Variants in C3 observed in about 807,000 individuals in gnomAD.
C3 encodes the protein complement C3, also known as C3 and PZP-like alpha-2-macroglobulin domain-containing protein 1.
A neutral mutation model predicts 207.9 loss-of-function variants in C3; 97 were observed. The ratio of observed to expected loss-of-function variants is 0.47; its 90% CI spans 0.40 to 0.55. The LOEUF is 0.55. C3 is among the 20% of genes least tolerant of loss of function. C3 has a pLI of 0.00. For synonymous variants in C3, 848 were observed against 857.6 expected (o/e 0.99, Z 0.20); for missense variants, 1,684 against 2,171.7 (o/e 0.78, Z 4.46).
In C3 at chr19:6,694,646, G is replaced by C. The variant is rs1171588355; in HGVS notation, c.2951-12C>G. 2 of 1,609,246 alleles carry C rather than the reference G, an allele frequency of 1.2e-6. No homozygotes were observed. The highest frequency in any genetic ancestry group is 1.7e-6 in the Non-Finnish European group (2 of 1,179,168). On this transcript the variant is annotated splice_polypyrimidine_tract_variant and intron_variant, in intron 23 of 40. Transcript: ENST00000245907. ...GGCCACTGGGGTCCCTGCAGCAGGT[G>C]GGAAGAGGACGTTGCTCAAGCCAGG...
rs144432231 is a variant in C3 at position 6,707,902 on chromosome 19, T to A, written c.1873A>T (p.Ile625Phe). 2.5e-4 allele frequency: 408 copies of A among 1,613,874 alleles called. 1 individual carries two copies. The highest frequency in any genetic ancestry group is 1.9e-4 in the Non-Finnish European group (229 of 1,180,010). ...KIWDVVEKAD[I>F]GCTPGSGKDY... ...TTCCCACTGCCCGGGGTGCAGCCGATGTCTGCCTTCTCCACCACGTCCCAG... is the reference window on the plus strand; with the variant it reads ...TTCCCACTGCCCGGGGTGCAGCCGAAGTCTGCCTTCTCCACCACGTCCCAG... The change falls in exon 15 of 41, where the codon ATC (isoleucine) becomes TTC (phenylalanine). Residue 625 changes from isoleucine to phenylalanine, a missense_variant. This residue lies in a region of C3 where 1,280 missense variants were observed against 1,739.1 expected (regional missense o/e 0.74). Coordinates refer to ENST00000245907, the MANE Select transcript of C3 (RefSeq NM_000064.4).
intron 17 of C3, among the ~76,000 whole-genome samples, chr19:6,705,379 G>A (rs1208442712): frequency 7.4e-6 from 1 of 135,062 alleles, no homozygotes; most frequent in African/African-American, 2.8e-5. Context: ...GTCTTGCTCT[G>A]TTGCCCAGGC....
chr19:6,713,302 G>A lies in C3; in HGVS notation c.890C>T (p.Ser297Leu), dbSNP rs753979097. ...CTTCCGGCTCAGCACAACCTCCCCC[G>A]AGCCATCCTCAATCTGAGAAGGGAG... is the stretch of plus-strand genomic sequence containing the variant. ...SLKRIPIEDG[S>L]GEVVLSRKVL... is the part of the protein sequence containing the mutation. The change falls in exon 9 of 41, where the codon TCG becomes TTG. Residue 297 changes from serine to leucine, a missense_variant. Ser to Leu is a moderately radical substitution (Grantham distance 145). Around this residue, in one of 3 missense-constraint regions of C3, gnomAD observed 1,280 missense variants for 1,739.1 expected, o/e 0.74. Coordinates refer to ENST00000245907, the MANE Select transcript of C3 (RefSeq NM_000064.4). The A allele has an allele frequency of 9.3e-6, 15 of 1,613,612 alleles. No individual in the cohort carries two copies. Among genetic ancestry groups the A allele is most frequent in the South Asian group, 4.4e-5 (4 of 91,070 alleles).
At position 6,697,611 on chromosome 19, in the gene C3, C is replaced by T. The variant is rs77063881; in HGVS notation, c.2583+41G>A. The T allele has an allele frequency of 3.1e-6, 5 of 1,613,688 alleles. No individual in the cohort carries two copies. The South Asian group carries it at 3.3e-5, about 11-fold the overall frequency. ...TGTGTGTGCAACAGGCTACCTACCC[C>T]CTGGCAGCCTCCAAGAAGCCTCTGC... is the stretch of plus-strand genomic sequence containing the variant. On this transcript the variant is annotated intron_variant, in intron 20 of 40. Coordinates refer to ENST00000245907, the MANE Select transcript of C3 (RefSeq NM_000064.4).
chr19:6,719,993 C>G lies in C3; in HGVS notation c.74+523G>C, dbSNP rs11569403. Among the ~76,000 whole-genome samples, 133 of 152,238 alleles carry G rather than the reference C, an allele frequency of 8.7e-4. No homozygotes were observed. Among genetic ancestry groups the G allele is most frequent in the African/African-American group, 3.1e-3 (127 of 41,524 alleles). ...CCGAAGTAGCCAATCTTTAAACCCA[C>G]ACTGAAAATTGCAAGTCCCCAAGCT... On this transcript the variant is annotated intron_variant, in intron 1 of 40. Coordinates refer to ENST00000245907, the MANE Select transcript of C3 (RefSeq NM_000064.4). This position sits in a 1 kb window ranked among gnomAD's most constrained non-coding sequence, Gnocchi z 5.4.
chr19:6,701,223 T>C (rs1245762921), intron 19 of C3, among the ~76,000 whole-genome samples: 1 of 152,168 alleles, frequency 6.6e-6, no homozygotes, highest in African/African-American at 2.4e-5. Flanking sequence ...ATGATGAGCA[T>C]GTGCACTGCT....
chr19:6,695,582 C>T (rs955189284), intron 23 of C3, among the ~76,000 whole-genome samples: 2 of 152,018 alleles, frequency 1.3e-5, no homozygotes, highest in Admixed American at 6.6e-5. Flanking sequence ...CACGTTCAAT[C>T]GATTATCCTG....
chr19:6,706,708 C>G (rs1264264831), intron 17 of C3, among the ~76,000 whole-genome samples: 1 of 144,090 alleles, frequency 6.9e-6, no homozygotes, highest in African/African-American at 2.6e-5. Context: ...CTCCTACCCC[C>G]TCAGACAGGG....
intron 17 of C3, among the ~76,000 whole-genome samples, 167 bp downstream of exon 17, chr19:6,706,909 C>A (rs375069115): frequency 6.9e-6 from 1 of 144,938 alleles, no homozygotes; most frequent in Non-Finnish European, 1.5e-5. Flanking sequence ...CCTCCTCCCC[C>A]CTGAGACAGG....
At chr19:6,699,689 G>A (rs896485355) in intron 19 of C3, among the ~76,000 whole-genome samples, 29 of 151,862 alleles carry the variant, frequency 1.9e-4, no homozygotes, top group African/African-American at 6.5e-4. Context: ...TAAATGAGAT[G>A]CACTGAATTG....
chr19:6,707,615 G>C, intron 15 of C3, 78 bp from the exon 16 acceptor site: 2 of 1,558,548 alleles, frequency 1.3e-6, no homozygotes, highest in South Asian at 2.2e-5. Flanking sequence ...ACGATCGTGT[G>C]AGGTGGGGGT....
chr19:6,682,135 T>C lies in C3; in HGVS notation c.4260+7A>G, dbSNP rs1285062444. ...TCCACTTATCCCAGCTCCTGAGCCC[T>C]TCATACCTGCTTCAGGTCATCTGTG... is the stretch of plus-strand genomic sequence containing the variant. On this transcript the variant is annotated splice_region_variant and intron_variant, in intron 34 of 40. Transcript: ENST00000245907. 6.2e-7 allele frequency: 1 copy of C among 1,613,124 alleles called. No homozygotes were observed. Among genetic ancestry groups the C allele is most frequent in the Non-Finnish European group, 8.5e-7 (1 of 1,179,156 alleles).
chr19:6,713,791 C>G, intron 7 of C3: 1 of 282,294 alleles, frequency 3.5e-6, no homozygotes, highest in Non-Finnish European at 6.4e-6. Context: ...AGCCCCCCAC[C>G]TGGTCCCACC....
chr19:6,711,176 C>T lies in C3; in HGVS notation c.1290G>A (p.Glu430=), dbSNP rs1967916206. Residue 430 remains glutamate, a synonymous_variant, in exon 12 of 41, where the codon GAG becomes GAA. Transcript: ENST00000245907. ...TGGTAGCCTGCTCTGCCTCCGAGAG[C>T]TCCTGCTTCTTCGTGCGCACCTGGG... ...LSITVRTKKQ[E]LSEAEQATRT... 1 of 1,613,298 alleles carries T rather than the reference C, an allele frequency of 6.2e-7. No homozygotes were observed. Among genetic ancestry groups the T allele is most frequent in the African/African-American group, 1.3e-5 (1 of 74,878 alleles).
At chr19:6,702,944 G>T (rs1046410104) in intron 17 of C3, 2 of 320,018 alleles carry the variant, frequency 6.2e-6, no homozygotes, top group African/African-American at 4.3e-5. Flanking sequence ...TGAGGCAGCA[G>T]AATCACTTGA....
chr19:6,710,042 A>AGGGC (rs1967872031), intron 13 of C3, among the ~76,000 whole-genome samples, 200 bp from the exon 14 acceptor site: 1 of 140,562 alleles, frequency 7.1e-6, no homozygotes, highest in Non-Finnish European at 1.5e-5. Flanking sequence ...AGAGAGAGAA[A>AGGGC]GGGAGAGACA....
Position 6,702,262 on chromosome 19 carries a change from G to A in C3, c.2355-50C>T, listed in dbSNP as rs748302682. 8 of 1,238,668 alleles carry A rather than the reference G, an allele frequency of 6.5e-6. No homozygotes were observed. The South Asian group carries it at 7.2e-5, about 11-fold the overall frequency. 76.7% of individuals were successfully genotyped at this position (1,238,668 alleles called of 1,614,324 possible). A position where few individuals can be genotyped will look rare whatever the true frequency, so the allele number is the denominator to read the frequency against. On this transcript the variant is annotated intron_variant, in intron 18 of 40. Transcript: ENST00000245907. The stretch of plus-strand genomic sequence containing the variant: ...TTAGGAGATGTCATCTAGCAGGGTG[G>A]TAGAGGGGAAGAACTGGTGCAGAGG...
At chr19:6,714,552 T>TA in intron 4 of C3, 106 bp from the exon 5 acceptor site, 1 of 814,460 alleles carries the variant, frequency 1.2e-6, no homozygotes, top group Non-Finnish European at 2.1e-6. Flanking sequence ...CTGTGCACAG[T>TA]GTCTACTGTG....
intron 17 of C3, among the ~76,000 whole-genome samples, chr19:6,703,212 A>G (rs1291771192): frequency 6.6e-6 from 1 of 152,202 alleles, no homozygotes; most frequent in Non-Finnish European, 1.5e-5. Context: ...CTTCTTCTCC[A>G]TAAAAAGAAC....
Sources: gnomAD v4.1 joint callset for allele counts (sites outside exome capture counted in the v4.1 genomes callset) on GRCh38, gnomAD v4.1.1 for gene constraint, gnomAD v4.1.1 regional missense constraint, Gnocchi (gnomAD v3.1) non-coding constraint, MANE v1.5 for transcripts, NCBI Gene and HGNC (gene_info 2026-07-23, HGNC 2026-07-21) for gene names.